Variants in PHKB observed in about 807,000 individuals in gnomAD.
PHKB encodes the protein phosphorylase kinase regulatory subunit beta, also known as phosphorylase b kinase regulatory subunit beta.
Under a neutral mutation model 152.1 loss-of-function variants are expected in PHKB, and 122 were observed. The ratio of observed to expected loss-of-function variants is 0.80; its 90% CI spans 0.69 to 0.93. The LOEUF is 0.93. PHKB is among the 40% of genes least tolerant of loss of function. PHKB has a pLI of 0.00. For missense variants in PHKB, 1,304 were observed against 1,328.4 expected, an observed-to-expected ratio of 0.98 and a Z score of 0.29; for synonymous variants, 436 against 464.9, an observed-to-expected ratio of 0.94 and a Z score of 0.80.
chr16:47,537,902 C>CTCTCTCTCTCT (rs71380327), intron 6 of PHKB, among the ~76,000 whole-genome samples: 1 of 149,232 alleles, frequency 6.7e-6, no homozygotes, highest in African/African-American at 2.5e-5. Flanking sequence ...CTCTCTCTCT[C>CTCTCTCTCTCT]TTTTTAAGTT....
At chr16:47,685,050 C>G (rs1036438297) in intron 26 of PHKB, among the ~76,000 whole-genome samples, 1 of 152,192 alleles carries the variant, frequency 6.6e-6, no homozygotes, top group Non-Finnish European at 1.5e-5. Flanking sequence ...TCCACATTTT[C>G]TTTCTTCTGC....
rs1183426828 is a variant in PHKB, at chr16:47,512,059, G to C, written c.513+287G>C. 4.6e-5 allele frequency among the ~76,000 whole-genome samples: 7 copies of C among 152,170 alleles called. No individual in the cohort carries two copies. The East Asian group carries it at 1.3e-3, about 29-fold the overall frequency. ...ATCTGAGAGGAGGCAGAGCTCAGGCGGTAATGCTTGCTCACTGCTGCTCAC... is the reference window on the plus strand; with the variant it reads ...ATCTGAGAGGAGGCAGAGCTCAGGCCGTAATGCTTGCTCACTGCTGCTCAC... On this transcript the variant is annotated intron_variant, in intron 5 of 30. Transcript: ENST00000323584.
intron 7 of PHKB, chr16:47,565,884 G>C: frequency 8.5e-7 from 1 of 1,181,426 alleles, no homozygotes; most frequent in Non-Finnish European, 1.2e-6. Flanking sequence ...ATCTTCCTTA[G>C]GAGTACTCTG....
intron 2 of PHKB, 34 bp downstream of exon 2, chr16:47,497,522 T>C: frequency 8.5e-7 from 1 of 1,179,464 alleles, no homozygotes; most frequent in Non-Finnish European, 1.3e-6. Flanking sequence ...TGTCCTTAGG[T>C]ATCTGCGATT....
chr16:47,489,983 A>C (rs1970119968), intron 1 of PHKB, among the ~76,000 whole-genome samples: 1 of 152,196 alleles, frequency 6.6e-6, no homozygotes, highest in South Asian at 2.1e-4. Flanking sequence ...TGTTCACAGG[A>C]ATATACCTTA....
intron 8 of PHKB, among the ~76,000 whole-genome samples, chr16:47,583,787 T>C (rs533344666): frequency 6.6e-6 from 1 of 152,316 alleles, no homozygotes; most frequent in Non-Finnish European, 1.5e-5. Context: ...TTGGACACTT[T>C]CTACTTTTAG....
At chr16:47,530,771 C>A (rs1970848923) in intron 6 of PHKB, among the ~76,000 whole-genome samples, 1 of 151,948 alleles carries the variant, frequency 6.6e-6, no homozygotes, top group South Asian at 2.1e-4. Flanking sequence ...AGCAGATGGA[C>A]AAAATTATAA....
At chr16:47,472,103 T>G (rs1280976949) in intron 1 of PHKB, among the ~76,000 whole-genome samples, 2 of 152,212 alleles carry the variant, frequency 1.3e-5, no homozygotes, top group African/African-American at 2.4e-5. Context: ...GTATATATAG[T>G]AAAATCTTAG....
At chr16:47,462,608 T>A (rs1373528823) in intron 1 of PHKB, 1 of 151,532 alleles carries the variant, frequency 6.6e-6, no homozygotes, top group Non-Finnish European at 1.5e-5. Context: ...CACTCCAGCG[T>A]GGGCGACAGA....
rs1567341136 is a variant in PHKB, at chr16:47,649,155, G to A, written c.1748G>A (p.Ser583Asn). 1 of 1,610,784 alleles carries A rather than the reference G, an allele frequency of 6.2e-7. No homozygotes were observed. The highest frequency in any genetic ancestry group is 1.3e-5 in the African/African-American group (1 of 74,952). ...VVCYPIIFDL[S>N]DFYMSQDVFL... ...TGTTACCCGATTATTTTCGACCTAA[G>A]TGATTTCTACATGTCTCAGGATGTT... Residue 583 changes from serine (S) to asparagine (N), a missense_variant, in exon 18 of 31, where the codon AGT becomes AAT. Coordinates refer to ENST00000323584, the MANE Select transcript of PHKB (RefSeq NM_000293.3).
chr16:47,580,225 C>T (rs1971818885), intron 7 of PHKB, 70 bp from the exon 8 acceptor site: 1 of 1,120,696 alleles, frequency 8.9e-7, no homozygotes, highest in Non-Finnish European at 1.4e-6. Flanking sequence ...CGTGAATATT[C>T]ATCAGATAAT....
intron 5 of PHKB, among the ~76,000 whole-genome samples, chr16:47,512,668 A>AT (rs934076801): frequency 9.9e-5 from 15 of 151,948 alleles, no homozygotes; most frequent in Non-Finnish European, 1.6e-4. Context: ...TTTTAGATAT[A>AT]TTTTTTTCAT....
At chr16:47,477,144 TC>T (rs1370595388) in intron 1 of PHKB, among the ~76,000 whole-genome samples, 1 of 152,216 alleles carries the variant, frequency 6.6e-6, no homozygotes, top group Non-Finnish European at 1.5e-5. Flanking sequence ...TTCTGACAAC[TC>T]CCTTCTCTGC....
chr16:47,496,365 T>C (rs1970232877), intron 1 of PHKB, among the ~76,000 whole-genome samples: 2 of 151,992 alleles, frequency 1.3e-5, no homozygotes, highest in South Asian at 2.1e-4. Context: ...TGTTACTATC[T>C]GCCTAAACAT....
chr16:47,543,302 T>G (rs1205585742), intron 6 of PHKB, among the ~76,000 whole-genome samples: 1 of 152,260 alleles, frequency 6.6e-6, no homozygotes, highest in South Asian at 2.1e-4. Flanking sequence ...GATGGATACG[T>G]TTAATGATTC....
At chr16:47,526,009 T>C (rs1426292754) in intron 6 of PHKB, among the ~76,000 whole-genome samples, 1 of 152,106 alleles carries the variant, frequency 6.6e-6, no homozygotes, top group Non-Finnish European at 1.5e-5. Flanking sequence ...GGTAGATACA[T>C]AATGGTCCAG....
chr16:47,599,000 C>T (rs963645748), intron 13 of PHKB: 6 of 924,030 alleles, frequency 6.5e-6, no homozygotes, highest in African/African-American at 3.3e-5. Context: ...AGCACACCCT[C>T]CCTGACAGCG....
In PHKB at chr16:47,656,586, A is replaced by G. The variant is rs188013125; in HGVS notation, c.1972-3920A>G. 3.5e-4 allele frequency among the ~76,000 whole-genome samples: 54 copies of G among 152,322 alleles called. No individual in the cohort carries two copies. The East Asian group carries it at 7.5e-3, about 21-fold the overall frequency. On this transcript the variant is annotated intron_variant, in intron 20 of 30. Coordinates refer to ENST00000323584, the MANE Select transcript of PHKB (RefSeq NM_000293.3). ...TAATCATTTTTAAGTGTCCAGTTTA[A>G]TGGTGTTAACTACATTCACTTTGTT...
rs374852586 is a variant in PHKB at position 47,659,855 on chromosome 16, A to G, written c.1972-651A>G. On this transcript the variant is annotated intron_variant, in intron 20 of 30. Coordinates refer to ENST00000323584, the MANE Select transcript of PHKB (RefSeq NM_000293.3). ...ATGTTTTTCCTAATTTGGATATTTT[A>G]TTTTATTTATTTATTTATTTATTTT... Among the ~76,000 whole-genome samples the G allele has an allele frequency of 6.6e-5, 10 of 151,976 alleles. No homozygotes were observed. The East Asian group carries it at 1.7e-3, about 26-fold the overall frequency.
Sources: allele counts gnomAD v4.1 joint callset (sites outside exome capture counted in the v4.1 genomes callset), GRCh38; gene constraint gnomAD v4.1.1; transcripts MANE v1.5; gene names NCBI Gene and HGNC (gene_info 2026-07-23, HGNC 2026-07-21).